Variants in ILDR1 observed in about 807,000 individuals in gnomAD.
The protein encoded by ILDR1 is immunoglobulin-like domain-containing receptor 1.
ILDR1 carries 56 observed loss-of-function variants against 62.4 expected under a neutral mutation model. The ratio of observed to expected loss-of-function variants is 0.90; its 90% CI spans 0.72 to 1.12. The LOEUF (loss-of-function observed/expected upper bound fraction) is 1.12, where lower values mean the gene tolerates loss of function less well. ILDR1 is among the 50% of genes most tolerant of loss of function. The probability of loss-of-function intolerance (pLI) is 0.00; values close to 1 mark genes in which losing one functional copy is unlikely to be tolerated. For missense variants in ILDR1, 736 were observed against 710.6 expected, an observed-to-expected ratio of 1.04 and a Z score of -0.41; for synonymous variants, 284 against 277.8, an observed-to-expected ratio of 1.02 and a Z score of -0.22.
At chr3:122,032,167 A>G in the ILDR1 span, among the ~76,000 whole-genome samples, 1 of 152,252 alleles carries the variant, frequency 6.6e-6, no homozygotes, top group South Asian at 2.1e-4. Context: ...CACCATTTTG[A>G]CTTCTTATAT....
the ILDR1 span, among the ~76,000 whole-genome samples, chr3:122,052,870 A>G: frequency 0.049 from 7,509 of 152,224 alleles, 427 homozygotes; most frequent in African/African-American, 0.14. Context: ...CGCCCGGCCA[A>G]AAAGTCAGAA....
chr3:122,004,533 G>A (rs555542325), intron 3 of ILDR1, among the ~76,000 whole-genome samples: 3 of 152,152 alleles, frequency 2.0e-5, no homozygotes, highest in African/African-American at 7.2e-5. Context: ...ATGCACACCC[G>A]CACCTGACTC....
rs924150893 is a variant in ILDR1, at chr3:121,987,705, T to C, written c.*662A>G. ...AACATGTTTGATTTCTTCTTAAACA[T>C]TCCCAAGTTCTCATTTTGAGAATGG... is the stretch of plus-strand genomic sequence containing the variant. On this transcript the variant is annotated 3_prime_UTR_variant, in exon 8 of 8. Coordinates refer to ENST00000344209, the MANE Select transcript of ILDR1 (RefSeq NM_001199799.2). 3.2e-5 allele frequency: 5 copies of C among 157,738 alleles called. No individual in the cohort carries two copies. Among genetic ancestry groups the C allele is most frequent in the Non-Finnish European group, 7.0e-5 (5 of 71,546 alleles). The allele number at this position is 157,738 out of a possible 1,614,324, so 9.8% of individuals were successfully genotyped here.
At chr3:122,001,609 T>A in intron 4 of ILDR1, 136 bp downstream of exon 4, 1 of 1,494,234 alleles carries the variant, frequency 6.7e-7, no homozygotes, top group Non-Finnish European at 9.3e-7. Context: ...TTAGCTTTGA[T>A]AAGGGAACTT....
At chr3:122,060,240 A>G in the ILDR1 span, among the ~76,000 whole-genome samples, 1 of 152,242 alleles carries the variant, frequency 6.6e-6, no homozygotes, top group African/African-American at 2.4e-5. Context: ...AGAAAGGCGA[A>G]GTAGGAGAAT....
chr3:122,019,372 C>A lies in ILDR1; in HGVS notation c.58+2648G>T, dbSNP rs371910215. ...AAAATTTTTGTGATCATTTTGCTTC[C>A]ATTTTATAAACTGTATATGTGTGCA... is the stretch of plus-strand genomic sequence containing the variant. On this transcript the variant is annotated intron_variant, in intron 1 of 7. Transcript: ENST00000344209. 5.3e-5 allele frequency among the ~76,000 whole-genome samples: 8 copies of A among 151,716 alleles called. No individual in the cohort carries two copies. In the East Asian group the frequency reaches 5.8e-4, roughly 11 times the overall value.
intron 2 of ILDR1, among the ~76,000 whole-genome samples, chr3:122,005,796 G>GTCCCA (rs2071599232): frequency 6.6e-6 from 1 of 152,112 alleles, no homozygotes. Flanking sequence ...CTACTCGGGA[G>GTCCCA]GCTAAGGCAG....
At chr3:121,999,909 A>G (rs1348993553) in intron 5 of ILDR1, among the ~76,000 whole-genome samples, 1 of 152,172 alleles carries the variant, frequency 6.6e-6, no homozygotes, top group Admixed American at 6.5e-5. Context: ...CCCTTTTCTA[A>G]TATTCACCTT....
intron 1 of ILDR1, among the ~76,000 whole-genome samples, chr3:122,019,046 C>T (rs2071819599): frequency 6.6e-6 from 1 of 150,950 alleles, no homozygotes; most frequent in Non-Finnish European, 1.5e-5. Flanking sequence ...AAGTTAACAC[C>T]ACACTGTGAT....
chr3:122,057,091 C>T, the ILDR1 span, among the ~76,000 whole-genome samples: 1 of 152,112 alleles, frequency 6.6e-6, no homozygotes, highest in African/African-American at 2.4e-5. Flanking sequence ...TTTTAAAAAG[C>T]AAGCAATCAA....
chr3:122,058,758 T>A, the ILDR1 span, among the ~76,000 whole-genome samples: 9 of 152,002 alleles, frequency 5.9e-5, no homozygotes, highest in East Asian at 1.4e-3. Flanking sequence ...AAATTTACTT[T>A]AAAAAAAATC....
At chr3:121,989,116 A>G (rs2071299220) in intron 7 of ILDR1, among the ~76,000 whole-genome samples, 1 of 152,190 alleles carries the variant, frequency 6.6e-6, no homozygotes, top group Non-Finnish European at 1.5e-5. Flanking sequence ...AAGAAAACGA[A>G]GTATCTGTCC....
chr3:121,988,540 T>TA (rs1382105447), intron 7 of ILDR1, 132 bp from the exon 8 acceptor site: 5 of 731,582 alleles, frequency 6.8e-6, no homozygotes, highest in Non-Finnish European at 1.2e-5. Context: ...GATCTGAACC[T>TA]AAAAAGTATT....
At chr3:122,008,992 G>A (rs2107668078) in intron 1 of ILDR1, among the ~76,000 whole-genome samples, 1 of 150,994 alleles carries the variant, frequency 6.6e-6, no homozygotes, top group East Asian at 2.0e-4. Flanking sequence ...AGAGTGCAGT[G>A]GCGCAATCAT....
At chr3:122,012,907 G>A (rs1179968899) in intron 1 of ILDR1, among the ~76,000 whole-genome samples, 1 of 152,170 alleles carries the variant, frequency 6.6e-6, no homozygotes, top group Non-Finnish European at 1.5e-5. Context: ...TTGTACCCTG[G>A]TGGACTCATT....
rs199882599 is a variant in ILDR1 at position 121,993,820 on chromosome 3, A to C, written c.929T>G (p.Phe310Cys). ...GGACAGCATGCTGCAGGGATGGCCAAATCTGCCTTTGAGGTCAGGGGGCAG... is the reference window on the plus strand; with the variant it reads ...GGACAGCATGCTGCAGGGATGGCCACATCTGCCTTTGAGGTCAGGGGGCAG... ...QPLPPDLKGRFGHPCSMLSSL... is the reference protein window; with the variant it reads ...QPLPPDLKGRCGHPCSMLSSL... The change falls in exon 7 of 8, where the codon TTT becomes TGT. Residue 310 changes from phenylalanine to cysteine, a missense_variant. By Grantham distance (205) the Phe-to-Cys change is radical. Transcript: ENST00000344209. 69 of 1,613,978 alleles carry C rather than the reference A, an allele frequency of 4.3e-5. No homozygotes were observed. Among genetic ancestry groups the C allele is most frequent in the Non-Finnish European group, 5.1e-6 (6 of 1,180,036 alleles).
the ILDR1 span, among the ~76,000 whole-genome samples, chr3:122,057,442 T>C: frequency 3.3e-4 from 50 of 152,206 alleles, no homozygotes; most frequent in Admixed American, 2.3e-3. Context: ...CAATTCATAA[T>C]GTGTTTAGTT....
At chr3:122,044,189 CT>C in the ILDR1 span, among the ~76,000 whole-genome samples, 1 of 33,752 alleles carries the variant, frequency 3.0e-5, no homozygotes, top group Non-Finnish European at 5.6e-5. Flanking sequence ...TGGTTTTTGT[CT>C]TTGGCTCTGT....
At chr3:122,059,434 A>G in the ILDR1 span, among the ~76,000 whole-genome samples, 26 of 151,892 alleles carry the variant, frequency 1.7e-4, no homozygotes, top group African/African-American at 6.3e-4. Flanking sequence ...TACTTGGGAG[A>G]CTGAGGCACG....
Sources: gnomAD v4.1 joint callset for allele counts (sites outside exome capture counted in the v4.1 genomes callset) on GRCh38, gnomAD v4.1.1 for gene constraint, MANE v1.5 for transcripts, NCBI Gene and HGNC (gene_info 2026-07-23, HGNC 2026-07-21) for gene names.